Variants in REPS2 observed in about 807,000 individuals in gnomAD.
REPS2 encodes ralBP1-associated Eps domain-containing protein 2.
Under a neutral mutation model 53.6 loss-of-function variants are expected in REPS2, and 23 were observed. That is an observed-to-expected ratio of 0.43 (90% confidence interval 0.31 to 0.61). The LOEUF is 0.61. REPS2 is among the 20% of genes least tolerant of loss of function. The pLI, the probability that REPS2 is intolerant of heterozygous loss-of-function variation, is 0.11. For synonymous variants in REPS2, 238 were observed against 218.6 expected (o/e 1.09, Z -0.78); for missense variants, 446 against 534.9 (o/e 0.83, Z 1.64).
chrX:17,188,499 T>C, the REPS2 span, among the ~76,000 whole-genome samples: 2 of 112,221 alleles, frequency 1.8e-5, no homozygotes, highest in Non-Finnish European at 3.8e-5. Flanking sequence ...GAACAGACTT[T>C]CCTAAACATG....
At chrX:17,147,081 T>C (rs1265371895) in intron 17 of REPS2, among the ~76,000 whole-genome samples, 1 of 111,929 alleles carries the variant, frequency 8.9e-6, no homozygotes, top group Non-Finnish European at 1.9e-5. Flanking sequence ...TGCTTTCTGC[T>C]TTCTCCTAGT....
chrX:17,134,963 A>G (rs1316938219), intron 15 of REPS2, among the ~76,000 whole-genome samples: 1 of 111,139 alleles, frequency 9.0e-6, no homozygotes, highest in Non-Finnish European at 1.9e-5. Flanking sequence ...GCAGGAGCCT[A>G]TCTTGTCTTC....
chrX:17,187,290 G>A, the REPS2 span, among the ~76,000 whole-genome samples: 1 of 111,313 alleles, frequency 9.0e-6, no homozygotes, highest in South Asian at 3.8e-4. Flanking sequence ...CTCTTTGTCT[G>A]TCATGTTTTC....
chrX:16,985,885 G>T (rs772971440), intron 1 of REPS2, among the ~76,000 whole-genome samples: 1 of 111,954 alleles, frequency 8.9e-6, no homozygotes, highest in East Asian at 2.8e-4. Context: ...TGGCATGGAG[G>T]TGGAGTTGTT....
intron 6 of REPS2, among the ~76,000 whole-genome samples, chrX:17,050,186 CTTTCTTTCTTTTTTTTTTT>C (rs2061972636): frequency 1.9e-5 from 1 of 51,976 alleles, no homozygotes; most frequent in African/African-American, 8.5e-5. Context: ...TTCTTTCTTT[CTTTCTTTCTTTTTTTTTTT>C]TTTTTGACAG....
intron 8 of REPS2, among the ~76,000 whole-genome samples, chrX:17,055,194 G>A (rs1199739164): frequency 1.3e-5 from 1 of 74,673 alleles, no homozygotes; most frequent in Non-Finnish European, 2.5e-5. Context: ...TTTTTGATGG[G>A]GTTGTTTGTT....
chrX:17,172,234 A>G, the REPS2 span, among the ~76,000 whole-genome samples: 1 of 111,734 alleles, frequency 8.9e-6, no homozygotes, highest in Non-Finnish European at 1.9e-5. Context: ...ACAGGCTGAT[A>G]TGGTTTGGGT....
rs780412507 is a variant in REPS2 at position 17,106,679 on chromosome X, G to A, written c.1578+2900G>A. On this transcript the variant is annotated intron_variant, in intron 14 of 17. Transcript: ENST00000357277. ...TCCACCTGCCTCGGCCTTCCAAAGTGCTGGGATTACAGGCATGAGCCACCA... is the reference window on the plus strand; with the variant it reads ...TCCACCTGCCTCGGCCTTCCAAAGTACTGGGATTACAGGCATGAGCCACCA... Among the ~76,000 whole-genome samples the A allele has an allele frequency of 3.6e-5, 4 of 111,512 alleles. No individual in the cohort carries two copies. In the South Asian group the frequency reaches 1.1e-3, roughly 32 times the overall value.
At chrX:17,134,059 A>G in intron 15 of REPS2, 152 bp downstream of exon 15, 1 of 482,408 alleles carries the variant, frequency 2.1e-6, no homozygotes, top group Non-Finnish European at 3.6e-6. Context: ...CTTTGTGAAG[A>G]TTGGGGTCCT....
At chrX:17,083,530 A>G (rs759199650) in intron 13 of REPS2, among the ~76,000 whole-genome samples, 1 of 111,842 alleles carries the variant, frequency 8.9e-6, no homozygotes, top group Admixed American at 9.5e-5. Flanking sequence ...CTCTGTCTTA[A>G]CTTGGAAGTG....
intron 13 of REPS2, among the ~76,000 whole-genome samples, chrX:17,092,536 T>C (rs2062630577): frequency 1.8e-5 from 2 of 110,796 alleles, no homozygotes; most frequent in South Asian, 7.7e-4. Flanking sequence ...ATTACACTTA[T>C]AAAAATTTTT....
At chrX:17,039,609 C>T (rs932504976) in intron 5 of REPS2, among the ~76,000 whole-genome samples, 1 of 112,095 alleles carries the variant, frequency 8.9e-6, no homozygotes, top group African/African-American at 3.2e-5. Context: ...TTAGGCATTG[C>T]AGTGAGGTTC....
chrX:17,069,884 T>C (rs2062280139), intron 10 of REPS2, 56 bp from the exon 11 acceptor site: 3 of 747,528 alleles, frequency 4.0e-6, no homozygotes, highest in Non-Finnish European at 5.7e-6. Context: ...TTTTATAGTT[T>C]TAATTTTTTT....
intron 14 of REPS2, among the ~76,000 whole-genome samples, chrX:17,126,096 C>T (rs1214084976): frequency 8.9e-6 from 1 of 112,345 alleles, no homozygotes; most frequent in Non-Finnish European, 1.9e-5. Context: ...TCTGCCTAAA[C>T]TATTATAATT....
At chrX:17,004,610 T>G (rs1435043975) in intron 1 of REPS2, among the ~76,000 whole-genome samples, 1 of 110,954 alleles carries the variant, frequency 9.0e-6, no homozygotes, top group Non-Finnish European at 1.9e-5. Flanking sequence ...TCCAAAGCAA[T>G]GATTCTAGTG....
chrX:17,066,058 C>A (rs981992987), intron 9 of REPS2, among the ~76,000 whole-genome samples: 2 of 111,725 alleles, frequency 1.8e-5, no homozygotes, highest in African/African-American at 6.5e-5. Flanking sequence ...TTGTCTTGCA[C>A]CCTTGTTGGA....
At chrX:16,966,299 C>A (rs1236695450) in intron 1 of REPS2, among the ~76,000 whole-genome samples, 1 of 111,861 alleles carries the variant, frequency 8.9e-6, no homozygotes, top group Non-Finnish European at 1.9e-5. Flanking sequence ...TTTGAGAGAC[C>A]CTCTTAAGAA....
chrX:17,004,102 ATGGATCCAGCTGGGAGT>A (rs1432850855), intron 1 of REPS2, among the ~76,000 whole-genome samples: 1 of 111,628 alleles, frequency 9.0e-6, no homozygotes, highest in African/African-American at 3.3e-5. Flanking sequence ...GTAACCTAAG[ATGGATCCAGCTGGGAGT>A]TGGATCCAGC....
chrX:17,027,570 A>G (rs970749214), intron 4 of REPS2, among the ~76,000 whole-genome samples: 28 of 110,316 alleles, frequency 2.5e-4, no homozygotes, highest in African/African-American at 9.3e-4. Context: ...GCTCCTAGGA[A>G]TAGAGTCACT....
Sources: allele counts gnomAD v4.1 joint callset (sites outside exome capture counted in the v4.1 genomes callset), GRCh38; gene constraint gnomAD v4.1.1; transcripts MANE v1.5; gene names NCBI Gene and HGNC (gene_info 2026-07-23, HGNC 2026-07-21).